Variants in ARHGEF2 observed in about 807,000 individuals in gnomAD.
ARHGEF2 encodes the protein rho guanine nucleotide exchange factor 2.
Under a neutral mutation model 121.0 loss-of-function variants are expected in ARHGEF2, and 22 were observed. That is an observed-to-expected ratio of 0.18 (90% CI 0.13 to 0.26). ARHGEF2 has a LOEUF of 0.26. Ranked by LOEUF, ARHGEF2 falls within the 10% of genes least tolerant of loss-of-function variation. The probability of loss-of-function intolerance (pLI) is 1.00; values close to 1 mark genes in which losing one functional copy is unlikely to be tolerated. For synonymous variants in ARHGEF2, 487 were observed against 530.0 expected, an observed-to-expected ratio of 0.92 and a Z score of 1.11; for missense variants, 907 against 1,336.0, an observed-to-expected ratio of 0.68 and a Z score of 5.01.
rs780610975 is a variant in ARHGEF2 at position 155,951,219 on chromosome 1, A to T, written c.2313T>A (p.Pro771=). The T allele has an allele frequency of 6.2e-7, 1 of 1,611,282 alleles. No individual in the cohort carries two copies. Among genetic ancestry groups the T allele is most frequent in the Admixed American group, 1.7e-5 (1 of 59,898 alleles). ...CTCGGCACAGCTTCTCCCGCCGCTC[A>T]GGGCCCTCAGGGAACCGGGCTTCCA... ...TLMEARFPEG[P]ERREKLCRAN... Residue 771 remains proline, a synonymous_variant, in exon 20 of 22, where the codon CCT becomes CCA. Transcript: ENST00000361247. The surrounding 1 kb of genome is among the most constrained non-coding windows in gnomAD (Gnocchi z 5.1).
At chr1:155,971,007 G>A in intron 1 of ARHGEF2, 1 of 986,148 alleles carries the variant, frequency 1.0e-6, no homozygotes, top group Non-Finnish European at 1.2e-6. Flanking sequence ...CTCCCTCCTA[G>A]GCTCCTCCCG....
rs1254874504 is a variant in ARHGEF2, at chr1:155,958,311, A to G, written c.1545+9T>C. The stretch of plus-strand genomic sequence containing the variant: ...CTGTGCTGAGAAAGGTGAAGAATGA[A>G]TGTCTCACCAGGGTAGGAAAGATGT... On this transcript the variant is annotated intron_variant, in intron 12 of 21. Transcript: ENST00000361247. 1.2e-6 allele frequency: 2 copies of G among 1,609,004 alleles called. No homozygotes were observed. Among genetic ancestry groups the G allele is most frequent in the Non-Finnish European group, 1.7e-6 (2 of 1,175,538 alleles).
In ARHGEF2 at chr1:155,962,184, T is replaced by C; in HGVS notation, c.1140A>G (p.Val380=). Residue 380 remains valine (V), a synonymous_variant, in exon 10 of 22, where the codon GTA becomes GTG. Transcript: ENST00000361247. This position sits in a 1 kb window ranked among gnomAD's most constrained non-coding sequence, Gnocchi z 5.8. ...GAGTCACCAGCAGGATGCACTCCTG[T>C]ACCCCGTGCCGCTTGAGCACGGCGG... The part of the protein sequence containing the change: ...TRPAVLKRHG[V]QECILLVTQR... 1 of 1,614,152 alleles carries C rather than the reference T, an allele frequency of 6.2e-7. No individual in the cohort carries two copies. Among genetic ancestry groups the C allele is most frequent in the Non-Finnish European group, 8.5e-7 (1 of 1,180,022 alleles).
chr1:155,969,067 C>A (rs1679983814), intron 2 of ARHGEF2, 89 bp downstream of exon 2: 11 of 1,520,200 alleles, frequency 7.2e-6, no homozygotes, highest in Non-Finnish European at 9.0e-6. Flanking sequence ...GAAGAGTGAC[C>A]CTCATGGATC....
At position 155,971,579 on chromosome 1, in the gene ARHGEF2, CA is replaced by C. The variant is rs55942349; in HGVS notation, c.64-2280del. Among the ~76,000 whole-genome samples, 409 of 92,522 alleles carry C rather than the reference CA, an allele frequency of 4.4e-3. 10 individuals are homozygous for C. The highest frequency in any genetic ancestry group is 0.011 in the African/African-American group (346 of 30,856). The allele number at this position is 92,522 out of a possible 152,430, so 60.7% of individuals were successfully genotyped here. ...TGGGCCACAGAGTGAGACTATGTCTCAAAAAAAAAAAAAGAAGTTCAAATTC... is the reference window on the plus strand; with the variant it reads ...TGGGCCACAGAGTGAGACTATGTCTCAAAAAAAAAAAAGAAGTTCAAATTC... On this transcript the variant is annotated intron_variant, in intron 1 of 21. Coordinates refer to ENST00000361247, the MANE Select transcript of ARHGEF2 (RefSeq NM_001162383.2).
Position 155,951,796 on chromosome 1 carries a change from TG to T in ARHGEF2, c.2173-21del, listed in dbSNP as rs750720900. On this transcript the variant is annotated intron_variant, in intron 17 of 21. Transcript: ENST00000361247. This position sits in a 1 kb window ranked among gnomAD's most constrained non-coding sequence, Gnocchi z 5.1. ...TCGATCCTGCAGAAATGGGCAAGAA[TG>T]GGGAGTCAGCAGGCACACAAATCCT... 1 of 1,613,786 alleles carries T rather than the reference TG, an allele frequency of 6.2e-7. No individual in the cohort carries two copies. The highest frequency in any genetic ancestry group is 8.5e-7 in the Non-Finnish European group (1 of 1,179,980).
chr1:155,951,744 T>G lies in ARHGEF2; in HGVS notation c.2205A>C (p.Gln735His), dbSNP rs1030545033. Residue 735 changes from glutamine (Q) to histidine (H), a missense_variant, in exon 18 of 22, where the codon CAA becomes CAC. Physicochemically the swap from Gln to His is conservative, Grantham distance 24. Around this residue, in one of 2 missense-constraint regions of ARHGEF2, gnomAD observed 432 missense variants for 559.5 expected, o/e 0.77. Coordinates refer to ENST00000361247, the MANE Select transcript of ARHGEF2 (RefSeq NM_001162383.2). The surrounding 1 kb of genome is among the most constrained non-coding windows in gnomAD (Gnocchi z 5.1). Reference sequence around the variant, plus strand: ...ATACCATCAATTCCCATCTCACCTCTTGCGGTGATCTCAGCTGATTTCCAT... The same window carrying G: ...ATACCATCAATTCCCATCTCACCTCGTGCGGTGATCTCAGCTGATTTCCAT... ...DRNGNQLRSPQEEALQRLVNL... is the reference protein window; with the variant it reads ...DRNGNQLRSPHEEALQRLVNL... 7 of 1,613,986 alleles carry G rather than the reference T, an allele frequency of 4.3e-6. No homozygotes were observed. In the African/African-American group the frequency reaches 5.3e-5, roughly 12 times the overall value.
At chr1:155,957,218 G>C (rs1212859072) in intron 13 of ARHGEF2, among the ~76,000 whole-genome samples, 1 of 152,138 alleles carries the variant, frequency 6.6e-6, no homozygotes, top group Non-Finnish European at 1.5e-5. Context: ...GTGTCCAATA[G>C]AAGCTAAAGA....
chr1:155,952,480 G>A, intron 15 of ARHGEF2, 148 bp downstream of exon 15: 1 of 1,033,568 alleles, frequency 9.7e-7, no homozygotes, highest in South Asian at 1.6e-5. Flanking sequence ...GCCTTTCCCA[G>A]GAACTGGCCC....
chr1:155,948,806 G>T (rs1452008780), intron 21 of ARHGEF2, among the ~76,000 whole-genome samples: 1 of 152,040 alleles, frequency 6.6e-6, no homozygotes, highest in Non-Finnish European at 1.5e-5. Flanking sequence ...CCTCTGTCTG[G>T]GTCTCCGGGT....
At position 155,977,951 on chromosome 1, in the gene ARHGEF2, G is replaced by T. The variant is rs529141490; in HGVS notation, c.63+414C>A. 3 of 350,620 alleles carry T rather than the reference G, an allele frequency of 8.6e-6. No homozygotes were observed. The South Asian group carries it at 3.3e-4, about 39-fold the overall frequency. 21.7% of individuals were successfully genotyped at this position (350,620 alleles called of 1,614,324 possible). ...ACCAAGCCAGCGATTGGGGAGTGAT[G>T]GGGGGTCGCCACGCCAAGCCCAAGC... On this transcript the variant is annotated intron_variant, in intron 1 of 21. Coordinates refer to ENST00000361247, the MANE Select transcript of ARHGEF2 (RefSeq NM_001162383.2).
chr1:155,978,264 C>A lies in ARHGEF2; in HGVS notation c.63+101G>T. On this transcript the variant is annotated intron_variant, in intron 1 of 21. Transcript: ENST00000361247. This position sits in a 1 kb window ranked among gnomAD's most constrained non-coding sequence, Gnocchi z 4.1. ...GATCCACCGCTCCGCCCGATTTTGG[C>A]GCCCAGAAAGCAGGCGGGGAGACAG... The A allele has an allele frequency of 1.6e-6, 2 of 1,252,980 alleles. No homozygotes were observed. Among genetic ancestry groups the A allele is most frequent in the Non-Finnish European group, 2.1e-6 (2 of 971,334 alleles). The allele number at this position is 1,252,980 out of a possible 1,614,324, so 77.6% of individuals were successfully genotyped here. A position where few individuals can be genotyped will look rare whatever the true frequency, so the allele number is the denominator to read the frequency against.
intron 1 of ARHGEF2, chr1:155,970,341 T>C: frequency 4.1e-6 from 4 of 985,532 alleles, no homozygotes; most frequent in Non-Finnish European, 4.8e-6. Context: ...CTCCAATCTG[T>C]CCCTCTTCAA....
intron 14 of ARHGEF2, among the ~76,000 whole-genome samples, 181 bp downstream of exon 14, chr1:155,954,721 T>C (rs1676327088): frequency 6.6e-6 from 1 of 151,720 alleles, no homozygotes; most frequent in Non-Finnish European, 1.5e-5. Flanking sequence ...CATATTATTT[T>C]TACACACATG....
intron 13 of ARHGEF2, among the ~76,000 whole-genome samples, chr1:155,956,314 G>A (rs1676664382): frequency 6.6e-6 from 1 of 151,658 alleles, no homozygotes; most frequent in Non-Finnish European, 1.5e-5. Context: ...GGCCGGGCTG[G>A]TCTTGAACTC....
chr1:155,947,855 C>A lies in ARHGEF2; in HGVS notation c.*87G>T. Reference sequence around the variant, plus strand: ...CAATTTGCAGTTCTTTCAAATGTTCCCTCATCATTGGCAAATTGGAGTCCC... The same window carrying A: ...CAATTTGCAGTTCTTTCAAATGTTCACTCATCATTGGCAAATTGGAGTCCC... On this transcript the variant is annotated 3_prime_UTR_variant, in exon 22 of 22. Coordinates refer to ENST00000361247, the MANE Select transcript of ARHGEF2 (RefSeq NM_001162383.2). 1.4e-6 allele frequency: 1 copy of A among 737,832 alleles called. No homozygotes were observed. The highest frequency in any genetic ancestry group is 2.3e-6 in the Non-Finnish European group (1 of 443,116). The allele number at this position is 737,832 out of a possible 1,614,324, so 45.7% of individuals were successfully genotyped here. A position where few individuals can be genotyped will look rare whatever the true frequency, so the allele number is the denominator to read the frequency against.
chr1:155,978,962 C>G, upstream of ARHGEF2: 1 of 985,732 alleles, frequency 1.0e-6, no homozygotes, highest in Non-Finnish European at 1.2e-6. The surrounding 1 kb of genome is among the most constrained non-coding windows in gnomAD (Gnocchi z 4.1). Flanking sequence ...GCCCCCAGCT[C>G]TTAGAAAACC....
rs570320814 is a variant in ARHGEF2, at chr1:155,956,397, C to T, written c.1715+1316G>A. On this transcript the variant is annotated intron_variant, in intron 13 of 21. Transcript: ENST00000361247. ...TACAGGCGTGAGCCACTGTGCCTGGCCTGCAATTTCATACTTTTATATGCA... is the reference window on the plus strand; with the variant it reads ...TACAGGCGTGAGCCACTGTGCCTGGTCTGCAATTTCATACTTTTATATGCA... Among the ~76,000 whole-genome samples the T allele has an allele frequency of 2.0e-5, 3 of 151,896 alleles. No individual in the cohort carries two copies. In the East Asian group the frequency reaches 5.8e-4, roughly 29 times the overall value.
Position 155,961,600 on chromosome 1 carries a change from A to G in ARHGEF2, c.1468+61T>C. ...AAGAGAGGTTGATTCTAAGACCTGC[A>G]GGCATCTCCCACTCTCCATCTGACT... is the stretch of plus-strand genomic sequence containing the variant. On this transcript the variant is annotated intron_variant, in intron 11 of 21. Coordinates refer to ENST00000361247, the MANE Select transcript of ARHGEF2 (RefSeq NM_001162383.2). The surrounding 1 kb of genome is among the most constrained non-coding windows in gnomAD (Gnocchi z 4.7). The G allele has an allele frequency of 6.4e-7, 1 of 1,570,200 alleles. No homozygotes were observed. Among genetic ancestry groups the G allele is most frequent in the East Asian group, 2.3e-5 (1 of 44,424 alleles).
Sources: allele counts gnomAD v4.1 joint callset (sites outside exome capture counted in the v4.1 genomes callset), GRCh38; gene constraint gnomAD v4.1.1; regional missense constraint gnomAD v4.1.1; non-coding constraint Gnocchi (gnomAD v3.1); transcripts MANE v1.5; gene names NCBI Gene and HGNC (gene_info 2026-07-23, HGNC 2026-07-21).